The following CTNS variants were observed in gnomAD, a reference collection of about 807,000 sequenced individuals.
The protein encoded by CTNS is cystinosin, lysosomal cystine transporter.
CTNS carries 27 observed loss-of-function variants against 43.7 expected under a neutral mutation model. The ratio of observed to expected loss-of-function variants is 0.62; its 90% confidence interval spans 0.46 to 0.85. CTNS has a LOEUF of 0.85. Among genes scored for constraint, CTNS ranks in the 40% least tolerant of loss-of-function variants. CTNS has a pLI of 0.00. For synonymous variants in CTNS, 187 were observed against 190.6 expected (o/e 0.98, Z 0.16); for missense variants, 457 against 475.4 (o/e 0.96, Z 0.36).
intron 11 of CTNS, 45 bp downstream of exon 11, chr17:3,660,020 C>A: frequency 6.5e-7 from 1 of 1,543,252 alleles, no homozygotes; most frequent in South Asian, 1.1e-5. Context: ...GCTGGGGCAT[C>A]GGGCGGGGCC....
Position 3,656,872 on chromosome 17 carries a change from G to A in CTNS, c.681+77G>A, listed in dbSNP as rs773158063. ...CCACCTCACCTTTGACAGAAGACAC[G>A]GCAGAGCCTGGGAAAGGAAGGGTGT... On this transcript the variant is annotated intron_variant, in intron 9 of 11. Transcript: ENST00000046640. The A allele has an allele frequency of 1.7e-4, 274 of 1,599,816 alleles. 1 individual carries two copies. The highest frequency in any genetic ancestry group is 3.2e-4 in the Admixed American group (19 of 59,314).
intron 7 of CTNS, 50 bp from the exon 8 acceptor site, chr17:3,656,437 C>A: frequency 8.5e-7 from 1 of 1,183,138 alleles, no homozygotes; most frequent in Non-Finnish European, 1.2e-6. Flanking sequence ...GTCCCTCCAC[C>A]CCTGCCAGTC....
At chr17:3,648,290 A>T (rs1283712266) in intron 4 of CTNS, among the ~76,000 whole-genome samples, 1 of 152,066 alleles carries the variant, frequency 6.6e-6, no homozygotes. Flanking sequence ...CTTACAAGTC[A>T]TCTCTTACCA....
chr17:3,644,056 A>G (rs1028535468), intron 3 of CTNS, among the ~76,000 whole-genome samples: 1 of 152,216 alleles, frequency 6.6e-6, no homozygotes. Flanking sequence ...GATACAATGT[A>G]AAGATTTTAG....
Position 3,662,434 on chromosome 17 carries a change from C to T in CTNS, c.*2065C>T, listed in dbSNP as rs2076290500. The stretch of plus-strand genomic sequence containing the variant: ...GTAGTCAGGTGCTCTCTGACTCACC[C>T]CCATCTGGCCAGATCACGGCCCCCA... On this transcript the variant is annotated 3_prime_UTR_variant, in exon 12 of 12. Transcript: ENST00000046640. Among the ~76,000 whole-genome samples the T allele has an allele frequency of 6.6e-6, 1 of 152,164 alleles. No individual in the cohort carries two copies. The highest frequency in any genetic ancestry group is 1.5e-5 in the Non-Finnish European group (1 of 68,030).
In CTNS at chr17:3,662,928, C is replaced by T. The variant is rs563211649; in HGVS notation, c.*2559C>T. On this transcript the variant is annotated 3_prime_UTR_variant, in exon 12 of 12. Coordinates refer to ENST00000046640, the MANE Select transcript of CTNS (RefSeq NM_004937.3). ...AGCATTTTTATTGAGCGCACCACAT[C>T]GGGGAGGGGCGGCAGTGGTTTCCAC... 2.0e-5 allele frequency: 3 copies of T among 152,186 alleles called. No individual in the cohort carries two copies. The highest frequency in any genetic ancestry group is 1.9e-4 in the East Asian group (1 of 5,196). The allele number at this position is 152,186 out of a possible 1,614,324, so 9.4% of individuals were successfully genotyped here.
chr17:3,648,669 T>C, intron 4 of CTNS, among the ~76,000 whole-genome samples, 178 bp from the exon 5 acceptor site: 1 of 152,216 alleles, frequency 6.6e-6, no homozygotes, highest in East Asian at 1.9e-4. Flanking sequence ...GGTCTCCTGA[T>C]TAAGACAGGA....
intron 2 of CTNS, among the ~76,000 whole-genome samples, chr17:3,638,225 GGTTTTTTTTTTGT>G (rs1022335339): frequency 3.1e-5 from 4 of 128,682 alleles, no homozygotes; most frequent in African/African-American, 8.2e-5. Context: ...TTATCAATCT[GGTTTTTTTTTTGT>G]TTTTTTTTTT....
intron 5 of CTNS, among the ~76,000 whole-genome samples, chr17:3,652,851 C>T (rs747442795): frequency 4.6e-5 from 7 of 152,084 alleles, no homozygotes; most frequent in Non-Finnish European, 5.9e-5. Context: ...CCTTGTGAGA[C>T]GTGGACGTAA....
chr17:3,660,014 G>C (rs564620937), intron 11 of CTNS, 39 bp downstream of exon 11: 2 of 1,562,438 alleles, frequency 1.3e-6, no homozygotes, highest in East Asian at 4.5e-5. Flanking sequence ...CCTGCGGCTG[G>C]GGCATCGGGC....
Position 3,641,355 on chromosome 17 carries a change from GATACATATATATAT to G in CTNS, c.61+1092_61+1105del, listed in dbSNP as rs368447550. On this transcript the variant is annotated intron_variant, in intron 3 of 11. Transcript: ENST00000046640. ...CCTCTTGGGTCAAATACAAAAATCA[GATACATATATATAT>G]ATATATATATATATATTTTTTTTTT... 1.3e-3 allele frequency among the ~76,000 whole-genome samples: 83 copies of G among 64,024 alleles called. 4 individuals carry two copies. Among genetic ancestry groups the G allele is most frequent in the South Asian group, 5.6e-3 (9 of 1,610 alleles). 42.0% of individuals were successfully genotyped at this position (64,024 alleles called of 152,430 possible).
At chr17:3,647,635 AC>A (rs748375115) in intron 4 of CTNS, 113 bp downstream of exon 4, 76 of 935,520 alleles carry the variant, frequency 8.1e-5, no homozygotes, top group Non-Finnish European at 1.2e-4. Flanking sequence ...CTTGCCTCTT[AC>A]CTGTAAGACA....
intron 5 of CTNS, among the ~76,000 whole-genome samples, chr17:3,653,881 G>GA (rs66643674): frequency 0.87 from 130,630 of 150,560 alleles, 58,742 homozygotes; most frequent in Non-Finnish European, 0.97. Flanking sequence ...CATCTCGGGG[G>GA]AAAAATAAAG....
At chr17:3,653,940 G>T (rs2076056433) in intron 5 of CTNS, among the ~76,000 whole-genome samples, 1 of 152,122 alleles carries the variant, frequency 6.6e-6, no homozygotes, top group Non-Finnish European at 1.5e-5. Flanking sequence ...AGGCCTCCGG[G>T]TACTTTCCTT....
intron 5 of CTNS, chr17:3,650,168 A>G: frequency 6.5e-7 from 1 of 1,550,300 alleles, no homozygotes; most frequent in Non-Finnish European, 8.7e-7. Context: ...TGATACCTTA[A>G]TAAAGCTGGT....
At chr17:3,652,965 T>C (rs1441651477) in intron 5 of CTNS, among the ~76,000 whole-genome samples, 1 of 152,134 alleles carries the variant, frequency 6.6e-6, no homozygotes, top group Non-Finnish European at 1.5e-5. Flanking sequence ...TCAAGGGTCC[T>C]CATTAAGAAG....
rs908338144 is a variant in CTNS, at chr17:3,660,543, C to G, written c.*174C>G. 1 of 1,612,736 alleles carries G rather than the reference C, an allele frequency of 6.2e-7. No individual in the cohort carries two copies. The highest frequency in any genetic ancestry group is 1.3e-5 in the African/African-American group (1 of 75,072). Reference sequence around the variant, plus strand: ...AGGCCATTCAATAGCCTGCCTTCGTCCGGGCCCCTCCTGGGCCTCCCCGGC... The same window carrying G: ...AGGCCATTCAATAGCCTGCCTTCGTGCGGGCCCCTCCTGGGCCTCCCCGGC... On this transcript the variant is annotated 3_prime_UTR_variant, in exon 12 of 12. Coordinates refer to ENST00000046640, the MANE Select transcript of CTNS (RefSeq NM_004937.3).
chr17:3,642,080 T>TGTGTGTGC (rs2075729504), intron 3 of CTNS, among the ~76,000 whole-genome samples: 1 of 145,654 alleles, frequency 6.9e-6, no homozygotes, highest in Admixed American at 6.8e-5. Context: ...TGTGTGTGTG[T>TGTGTGTGC]GTGCCTGGGC....
intron 2 of CTNS, among the ~76,000 whole-genome samples, chr17:3,639,439 G>A (rs768397031): frequency 6.6e-6 from 1 of 152,016 alleles, no homozygotes; most frequent in Non-Finnish European, 1.5e-5. Context: ...AGGCTGAGGC[G>A]GGCGGATCAC....
Sources: gnomAD v4.1 joint callset for allele counts (sites outside exome capture counted in the v4.1 genomes callset) on GRCh38, gnomAD v4.1.1 for gene constraint, MANE v1.5 for transcripts, NCBI Gene and HGNC (gene_info 2026-07-23, HGNC 2026-07-21) for gene names.